Variants in CBLB observed in about 807,000 individuals in gnomAD.
CBLB encodes E3 ubiquitin-protein ligase CBL-B.
Under a neutral mutation model 104.9 loss-of-function variants are expected in CBLB, and 31 were observed. The observed-to-expected ratio is 0.30, with a 90% confidence interval of 0.22 to 0.40. The LOEUF (loss-of-function observed/expected upper bound fraction) is 0.40. CBLB is among the 10% of genes least tolerant of loss of function. The pLI, the probability that CBLB is intolerant of heterozygous loss-of-function variation, is 1.00. For missense variants in CBLB, 1,062 were observed against 1,214.6 expected, an observed-to-expected ratio of 0.87 and a Z score of 1.87; for synonymous variants, 440 against 422.6, an observed-to-expected ratio of 1.04 and a Z score of -0.51.
intron 13 of CBLB, among the ~76,000 whole-genome samples, chr3:105,691,912 C>G (rs2067751263): frequency 1.3e-5 from 2 of 152,170 alleles, no homozygotes; most frequent in Non-Finnish European, 2.9e-5. Context: ...CCCTCCATGA[C>G]ATCCTTCATT....
At chr3:105,670,578 T>TG in intron 17 of CBLB, 1 of 502,508 alleles carries the variant, frequency 2.0e-6, no homozygotes, top group East Asian at 3.6e-5. Flanking sequence ...AAAGACTACT[T>TG]GTTTTATATT....
chr3:105,733,455 C>T (rs2074562274), intron 9 of CBLB, among the ~76,000 whole-genome samples: 1 of 152,024 alleles, frequency 6.6e-6, no homozygotes, highest in Admixed American at 6.5e-5. Flanking sequence ...ATGCCTGCGG[C>T]AGATGGGAAG....
intron 3 of CBLB, among the ~76,000 whole-genome samples, chr3:105,804,101 A>C (rs542758554): frequency 6.6e-6 from 1 of 152,300 alleles, no homozygotes; most frequent in South Asian, 2.1e-4. Flanking sequence ...TAAAAAGTTG[A>C]CTTCTTAAAT....
intron 2 of CBLB, among the ~76,000 whole-genome samples, chr3:105,867,009 A>G (rs1381407603): frequency 6.6e-6 from 1 of 152,222 alleles, no homozygotes; most frequent in African/African-American, 2.4e-5. Flanking sequence ...TATTTTCAGT[A>G]TCATACCAGA....
intron 8 of CBLB, among the ~76,000 whole-genome samples, chr3:105,735,194 T>C (rs1324602147): frequency 6.6e-6 from 1 of 152,140 alleles, no homozygotes; most frequent in African/African-American, 2.4e-5. Flanking sequence ...TAAACATACA[T>C]GGATACATAT....
At chr3:105,667,211 T>C (rs1303421826) in intron 18 of CBLB, among the ~76,000 whole-genome samples, 1 of 152,308 alleles carries the variant, frequency 6.6e-6, no homozygotes, top group Non-Finnish European at 1.5e-5. Flanking sequence ...AAATCAAGCA[T>C]TGTTTTCAAG....
At chr3:105,833,366 G>A (rs2087876357) in intron 3 of CBLB, among the ~76,000 whole-genome samples, 1 of 152,108 alleles carries the variant, frequency 6.6e-6, no homozygotes, top group Non-Finnish European at 1.5e-5. Flanking sequence ...GAATAGTGAA[G>A]GCAGAACAAA....
At chr3:105,726,584 G>A (rs2073671155) in intron 9 of CBLB, among the ~76,000 whole-genome samples, 1 of 148,836 alleles carries the variant, frequency 6.7e-6, no homozygotes, top group African/African-American at 2.5e-5. Flanking sequence ...TAAAAGTTCT[G>A]GGATACATGT....
intron 3 of CBLB, among the ~76,000 whole-genome samples, chr3:105,796,855 G>A (rs1479172309): frequency 1.3e-5 from 2 of 152,152 alleles, no homozygotes; most frequent in African/African-American, 4.8e-5. Context: ...TTAGAGAAAT[G>A]CAAATCAAAA....
At chr3:105,789,587 T>G (rs2081405128) in intron 3 of CBLB, among the ~76,000 whole-genome samples, 1 of 152,166 alleles carries the variant, frequency 6.6e-6, no homozygotes, top group Non-Finnish European at 1.5e-5. Flanking sequence ...TGATTTCTAC[T>G]GACAATAGAC....
At chr3:105,702,489 A>AAC (rs1255899003) in intron 11 of CBLB, 30 bp from the exon 12 acceptor site, 18 of 1,476,240 alleles carry the variant, frequency 1.2e-5, no homozygotes, top group South Asian at 5.3e-5. Flanking sequence ...AAAAAAAAAA[A>AAC]AAAAAAAAAA....
intron 2 of CBLB, among the ~76,000 whole-genome samples, chr3:105,862,809 C>T (rs551787784): frequency 1.3e-5 from 2 of 152,158 alleles, no homozygotes; most frequent in Admixed American, 6.5e-5. Context: ...TTCAACCTAA[C>T]ATGTCCTCCA....
chr3:105,750,745 A>G (rs1357109780), intron 5 of CBLB, among the ~76,000 whole-genome samples: 1 of 152,218 alleles, frequency 6.6e-6, no homozygotes, highest in Non-Finnish European at 1.5e-5. Flanking sequence ...TTGCTATGTG[A>G]AAACAATTAT....
chr3:105,681,328 T>C, intron 16 of CBLB, 151 bp downstream of exon 16: 2 of 703,340 alleles, frequency 2.8e-6, no homozygotes, highest in South Asian at 3.6e-5. Flanking sequence ...TCTCGTGAAC[T>C]TGGGAGTCAC....
At chr3:105,811,856 C>A (rs930532630) in intron 3 of CBLB, among the ~76,000 whole-genome samples, 4 of 152,000 alleles carry the variant, frequency 2.6e-5, no homozygotes, top group Non-Finnish European at 1.5e-5. Context: ...ATTACAGGCG[C>A]CTGCCACTGG....
chr3:105,739,304 A>T (rs2075286871), intron 7 of CBLB, among the ~76,000 whole-genome samples: 1 of 152,058 alleles, frequency 6.6e-6, no homozygotes, highest in Admixed American at 6.6e-5. Context: ...AATTACTTTG[A>T]TAAAGGTAAA....
intron 3 of CBLB, among the ~76,000 whole-genome samples, chr3:105,780,783 C>A (rs577542244): frequency 4.0e-5 from 6 of 150,646 alleles, no homozygotes; most frequent in Non-Finnish European, 8.8e-5. Context: ...CTGCCTCAGC[C>A]TCCTGAGTAG....
chr3:105,657,832 T>C lies in CBLB; in HGVS notation c.*1138A>G. 1 of 207,286 alleles carries C rather than the reference T, an allele frequency of 4.8e-6. No individual in the cohort carries two copies. The highest frequency in any genetic ancestry group is 7.4e-5 in the East Asian group (1 of 13,570). 12.8% of individuals were successfully genotyped at this position (207,286 alleles called of 1,614,324 possible). Reference sequence around the variant, plus strand: ...TGCAGAGAGAAAATTACTGAGAACTTTGCAAAAAACATTGCCACAGTAGCC... The same window carrying C: ...TGCAGAGAGAAAATTACTGAGAACTCTGCAAAAAACATTGCCACAGTAGCC... On this transcript the variant is annotated 3_prime_UTR_variant, in exon 19 of 19. Coordinates refer to ENST00000394030, the MANE Select transcript of CBLB (RefSeq NM_170662.5).
chr3:105,821,517 T>G (rs943519115), intron 3 of CBLB, among the ~76,000 whole-genome samples: 2 of 152,126 alleles, frequency 1.3e-5, no homozygotes, highest in African/African-American at 2.4e-5. Flanking sequence ...TAAACACTAC[T>G]GCCAAAACAA....
Sources: allele counts gnomAD v4.1 joint callset (sites outside exome capture counted in the v4.1 genomes callset), GRCh38; gene constraint gnomAD v4.1.1; transcripts MANE v1.5; gene names NCBI Gene and HGNC (gene_info 2026-07-23, HGNC 2026-07-21).